Variants in CREB5 observed in about 807,000 individuals in gnomAD.
CREB5 encodes cAMP responsive element binding protein 5.
In CREB5, 19 loss-of-function variants were observed where a neutral mutation model predicts 57.1. That is an observed-to-expected ratio of 0.33 (90% CI 0.23 to 0.49). The LOEUF is 0.49. Ranked by LOEUF, CREB5 falls within the 20% of genes least tolerant of loss-of-function variation. The pLI is 0.99. For synonymous variants in CREB5, 238 were observed against 238.3 expected, an observed-to-expected ratio of 1.00 and a Z score of 0.01; for missense variants, 579 against 671.6, an observed-to-expected ratio of 0.86 and a Z score of 1.52.
chr7:28,607,679 C>T (rs980984934), intron 5 of CREB5, among the ~76,000 whole-genome samples: 1 of 151,190 alleles, frequency 6.6e-6, no homozygotes, highest in Non-Finnish European at 1.5e-5. Flanking sequence ...TCTGTTGAAC[C>T]ACAAAATGAT....
intron 1 of CREB5, among the ~76,000 whole-genome samples, chr7:28,362,837 T>C (rs1184559265): frequency 1.3e-5 from 2 of 152,176 alleles, no homozygotes; most frequent in East Asian, 1.9e-4. Context: ...TGGTTAAAAG[T>C]TTGACACCCC....
At position 28,611,441 on chromosome 7, in the gene CREB5, C is replaced by T. The variant is rs1034660034; in HGVS notation, c.464+40904C>T. ...CCAAGGCAGGAGGATCACTTGAGGC[C>T]AGGAGTTTGAGACCAGCCTGGCCAA... is the stretch of plus-strand genomic sequence containing the variant. On this transcript the variant is annotated intron_variant, in intron 5 of 10. Coordinates refer to ENST00000357727, the MANE Select transcript of CREB5 (RefSeq NM_182898.4). Among the ~76,000 whole-genome samples the T allele has an allele frequency of 6.6e-5, 9 of 136,964 alleles. No individual in the cohort carries two copies. In the South Asian group the frequency reaches 6.8e-4, roughly 10 times the overall value. 89.9% of individuals were successfully genotyped at this position (136,964 alleles called of 152,430 possible).
chr7:28,519,513 G>A (rs894103202), intron 4 of CREB5, among the ~76,000 whole-genome samples: 1 of 134,744 alleles, frequency 7.4e-6, no homozygotes, highest in Non-Finnish European at 1.6e-5. Flanking sequence ...GGTGAACTTA[G>A]AGTTGATTTA....
In CREB5 at chr7:28,542,540, C is replaced by T. The variant is rs1049942884; in HGVS notation, c.292-27825C>T. ...AAATGTAACACTTAGCACCTCAGAC[C>T]AATCATCAGTAATGCAGAGGGACGT... On this transcript the variant is annotated intron_variant, in intron 4 of 10. Coordinates refer to ENST00000357727, the MANE Select transcript of CREB5 (RefSeq NM_182898.4). Among the ~76,000 whole-genome samples, 5 of 152,048 alleles carry T rather than the reference C, an allele frequency of 3.3e-5. 1 individual carries two copies. The highest frequency in any genetic ancestry group is 7.4e-5 in the Non-Finnish European group (5 of 67,990).
At chr7:28,720,883 T>G (rs1176071085) in intron 6 of CREB5, among the ~76,000 whole-genome samples, 6 of 152,148 alleles carry the variant, frequency 3.9e-5, no homozygotes, top group Non-Finnish European at 5.9e-5. Flanking sequence ...CTGCAGAGAC[T>G]TTTTAAAAAA....
intron 1 of CREB5, among the ~76,000 whole-genome samples, chr7:28,327,163 A>AAAAAAAAAAG (rs1562658346): frequency 6.7e-6 from 1 of 149,508 alleles, no homozygotes; most frequent in Admixed American, 6.7e-5. Flanking sequence ...AAAAAAAAAA[A>AAAAAAAAAAG]AAAAAGGAAA....
rs949182461 is a variant in CREB5, at chr7:28,488,078, G to T, written c.4-97G>T. The T allele has an allele frequency of 3.9e-6, 4 of 1,021,172 alleles. No individual in the cohort carries two copies. The African/African-American group carries it at 6.3e-5, about 16-fold the overall frequency. 63.3% of individuals were successfully genotyped at this position (1,021,172 alleles called of 1,614,324 possible). ...TAATTTTGGTATTGGCATAGAAAGG[G>T]GGCTCTGAGTGATTGCCTTTCTCAC... On this transcript the variant is annotated intron_variant, in intron 1 of 10. Transcript: ENST00000357727.
At position 28,602,681 on chromosome 7, in the gene CREB5, A is replaced by G. The variant is rs1322390168; in HGVS notation, c.464+32144A>G. Among the ~76,000 whole-genome samples, 6 of 152,344 alleles carry G rather than the reference A, an allele frequency of 3.9e-5. No homozygotes were observed. The East Asian group carries it at 1.2e-3, about 29-fold the overall frequency. ...TGACAAGATTATAGAGATGGAGAGC[A>G]GATTAGTGGTTATCAGGAATTAGGT... On this transcript the variant is annotated intron_variant, in intron 5 of 10. Transcript: ENST00000357727.
chr7:28,587,560 TG>T (rs542572391), intron 5 of CREB5, among the ~76,000 whole-genome samples: 2 of 20,068 alleles, frequency 1.0e-4, no homozygotes, highest in Non-Finnish European at 2.0e-4. Context: ...GGGCTGGGGG[TG>T]GGGGTGGGGG....
rs563732711 is a variant in CREB5 at position 28,399,143 on chromosome 7, A to T, written c.-24-95763A>T. ...AGGTAAGATGTAACAGAGAGCTGAT[A>T]TAAGAGTGGGGAAGGCCTTTCTAGA... On this transcript the variant is annotated intron_variant, in intron 1 of 9. Transcript: ENST00000396299. 5.3e-5 allele frequency among the ~76,000 whole-genome samples: 8 copies of T among 152,324 alleles called. No individual in the cohort carries two copies. The South Asian group carries it at 1.7e-3, about 32-fold the overall frequency.
At chr7:28,312,191 T>TTA (rs71555737) in intron 1 of CREB5, among the ~76,000 whole-genome samples, 2 of 147,312 alleles carry the variant, frequency 1.4e-5, no homozygotes, top group Non-Finnish European at 3.0e-5. Flanking sequence ...AGCTAATTGA[T>TTA]AAAAAAAAAA....
intron 2 of CREB5, among the ~76,000 whole-genome samples, chr7:28,489,601 G>A (rs73077718): frequency 0.091 from 13,827 of 151,920 alleles, 1,019 homozygotes; most frequent in East Asian, 0.35. Flanking sequence ...GCGCCCGGCC[G>A]GACCCTTCTT....
At chr7:28,564,907 G>A (rs1795420313) in intron 4 of CREB5, among the ~76,000 whole-genome samples, 1 of 152,066 alleles carries the variant, frequency 6.6e-6, no homozygotes, top group African/African-American at 2.4e-5. Flanking sequence ...GATATTTAGT[G>A]TCTCATAAAA....
intron 4 of CREB5, among the ~76,000 whole-genome samples, chr7:28,555,668 T>TA (rs963885630): frequency 7.3e-5 from 11 of 151,658 alleles, no homozygotes; most frequent in Non-Finnish European, 1.6e-4. Flanking sequence ...TAGAGCAAAA[T>TA]AAAAAAAACA....
At chr7:28,311,491 C>G (rs1472156466) in intron 1 of CREB5, among the ~76,000 whole-genome samples, 4 of 152,212 alleles carry the variant, frequency 2.6e-5, no homozygotes, top group Non-Finnish European at 5.9e-5. Flanking sequence ...AGAAACAGAC[C>G]TTTGGAGCTG....
chr7:28,519,964 C>T (rs1441063640), intron 4 of CREB5, among the ~76,000 whole-genome samples: 2 of 152,086 alleles, frequency 1.3e-5, no homozygotes, highest in Non-Finnish European at 1.5e-5. Context: ...TGAAAATGGA[C>T]AAGAACTCAT....
intron 9 of CREB5, among the ~76,000 whole-genome samples, chr7:28,812,978 A>T (rs1229074124): frequency 6.6e-6 from 1 of 152,198 alleles, no homozygotes; most frequent in Non-Finnish European, 1.5e-5. Flanking sequence ...GAAAAACCAG[A>T]CCTAAGAAAA....
chr7:28,781,845 C>A (rs1472905323), intron 7 of CREB5, among the ~76,000 whole-genome samples: 2 of 151,514 alleles, frequency 1.3e-5, no homozygotes, highest in East Asian at 1.9e-4. Context: ...GACTGTTCCA[C>A]AATTTTAAAA....
chr7:28,515,213 G>GGA (rs752252473), intron 4 of CREB5, among the ~76,000 whole-genome samples: 8 of 152,140 alleles, frequency 5.3e-5, no homozygotes, highest in Non-Finnish European at 7.3e-5. Context: ...TTTCTCCATT[G>GGA]GAAATGCAGA....
Sources: gnomAD v4.1 joint callset for allele counts (sites outside exome capture counted in the v4.1 genomes callset) on GRCh38, gnomAD v4.1.1 for gene constraint, MANE v1.5 for transcripts, NCBI Gene and HGNC (gene_info 2026-07-23, HGNC 2026-07-21) for gene names.